NRG3: variants seen among roughly 807,000 people sequenced by gnomAD.
The protein encoded by NRG3 is pro-neuregulin-3, membrane-bound isoform.
In NRG3, 31 loss-of-function variants were observed where a neutral mutation model predicts 66.9. The ratio of observed to expected loss-of-function variants is 0.46; its 90% CI spans 0.35 to 0.63. The LOEUF (loss-of-function observed/expected upper bound fraction) is 0.63, where lower values mean the gene tolerates loss of function less well. Ranked by LOEUF, NRG3 falls within the 20% of genes least tolerant of loss-of-function variation. The pLI is 0.00. For missense variants in NRG3, 910 were observed against 878.9 expected (o/e 1.04, Z -0.45); for synonymous variants, 393 against 359.4 (o/e 1.09, Z -1.06).
At chr10:82,324,996 T>G (rs2081789034) in intron 1 of NRG3, among the ~76,000 whole-genome samples, 1 of 152,192 alleles carries the variant, frequency 6.6e-6, no homozygotes, top group Non-Finnish European at 1.5e-5. Flanking sequence ...TACCAAGAGA[T>G]AAGGGTTAAA....
chr10:82,018,294 A>G (rs1053621140), intron 1 of NRG3, among the ~76,000 whole-genome samples: 4 of 152,042 alleles, frequency 2.6e-5, no homozygotes, highest in African/African-American at 9.7e-5. Context: ...ATTGGTCTAC[A>G]TCTCTCTTTT....
intron 2 of NRG3, among the ~76,000 whole-genome samples, chr10:82,582,484 T>C (rs904696401): frequency 3.9e-5 from 6 of 152,120 alleles, no homozygotes; most frequent in African/African-American, 1.4e-4. Flanking sequence ...TCTTCTCAGT[T>C]AGATCATTCT....
At chr10:82,634,111 C>T (rs74864188) in intron 2 of NRG3, among the ~76,000 whole-genome samples, 46 of 152,242 alleles carry the variant, frequency 3.0e-4, no homozygotes, top group Middle Eastern at 3.4e-3. Flanking sequence ...ATCATCTGAA[C>T]ACTGGACTAG....
chr10:82,905,394 GC>G (rs1445497083), intron 4 of NRG3, among the ~76,000 whole-genome samples: 1 of 152,016 alleles, frequency 6.6e-6, no homozygotes, highest in Non-Finnish European at 1.5e-5. Flanking sequence ...ATTATTGAAA[GC>G]TTTTTCTTCA....
At chr10:82,778,900 A>G (rs887195914) in intron 3 of NRG3, among the ~76,000 whole-genome samples, 2 of 152,014 alleles carry the variant, frequency 1.3e-5, no homozygotes, top group African/African-American at 4.8e-5. Flanking sequence ...AGTGACTGGG[A>G]TGCGGGGGAG....
chr10:82,549,851 T>G (rs1443880463), intron 2 of NRG3, among the ~76,000 whole-genome samples: 3 of 120,272 alleles, frequency 2.5e-5, no homozygotes, highest in Non-Finnish European at 4.9e-5. Flanking sequence ...TCCAATTAGA[T>G]GAATTTCTCA....
chr10:82,523,535 C>T (rs570310998), intron 2 of NRG3, among the ~76,000 whole-genome samples: 4 of 151,666 alleles, frequency 2.6e-5, no homozygotes, highest in Admixed American at 6.6e-5. Context: ...GGGTGAATAT[C>T]GATTCATATC....
intron 1 of NRG3, among the ~76,000 whole-genome samples, chr10:81,952,053 A>C (rs1849407092): frequency 1.3e-5 from 2 of 148,508 alleles, no homozygotes; most frequent in African/African-American, 4.9e-5. Context: ...GTTCTCCCTC[A>C]CAGGTGGGAA....
intron 1 of NRG3, among the ~76,000 whole-genome samples, chr10:81,878,482 T>A (rs1841885033): frequency 6.6e-6 from 1 of 152,192 alleles, no homozygotes; most frequent in Non-Finnish European, 1.5e-5. Context: ...GTTTAGTTAT[T>A]TTTTTCATCC....
At chr10:82,807,056 T>TGTCCAATAACCAATGTCCTG (rs1409067596) in intron 3 of NRG3, among the ~76,000 whole-genome samples, 4 of 152,234 alleles carry the variant, frequency 2.6e-5, no homozygotes, top group Admixed American at 2.6e-4. Context: ...AATTGGTTAT[T>TGTCCAATAACCAATGTCCTG]GGACATAAAT....
intron 2 of NRG3, among the ~76,000 whole-genome samples, chr10:82,691,891 C>G (rs1387860274): frequency 1.3e-5 from 2 of 152,212 alleles, no homozygotes; most frequent in African/African-American, 4.8e-5. Flanking sequence ...TGCACACGGG[C>G]TCTTCCCTAG....
chr10:82,767,253 T>A (rs544091899), intron 3 of NRG3, among the ~76,000 whole-genome samples: 2 of 152,158 alleles, frequency 1.3e-5, no homozygotes, highest in East Asian at 3.9e-4. Context: ...ACCTTCTCAA[T>A]CTGCTGCCTG....
At chr10:82,563,527 A>G (rs2045195258) in intron 2 of NRG3, among the ~76,000 whole-genome samples, 1 of 151,866 alleles carries the variant, frequency 6.6e-6, no homozygotes, top group Non-Finnish European at 1.5e-5. Context: ...CTTAGTATTT[A>G]TGTATATTTT....
chr10:82,946,732 T>G (rs892660688), intron 4 of NRG3, among the ~76,000 whole-genome samples: 2 of 152,106 alleles, frequency 1.3e-5, no homozygotes, highest in African/African-American at 4.8e-5. Context: ...ACAGTAAAAA[T>G]AGAATATACA....
chr10:82,898,093 G>C (rs986180380), intron 4 of NRG3, among the ~76,000 whole-genome samples: 5 of 152,170 alleles, frequency 3.3e-5, no homozygotes, highest in Non-Finnish European at 7.3e-5. Context: ...CAGAGAGTCA[G>C]TGCCCCTAGA....
intron 2 of NRG3, among the ~76,000 whole-genome samples, chr10:82,683,891 G>A (rs1201001272): frequency 2.0e-5 from 3 of 151,900 alleles, no homozygotes; most frequent in Admixed American, 1.3e-4. Context: ...TAAACTATAC[G>A]CAGGCAAAAA....
At chr10:82,865,281 G>A in intron 3 of NRG3, 130 bp from the exon 4 acceptor site, 1 of 772,702 alleles carries the variant, frequency 1.3e-6, no homozygotes, top group Non-Finnish European at 2.1e-6. Context: ...AGCAAACATA[G>A]GGGTTAAAAT....
intron 1 of NRG3, among the ~76,000 whole-genome samples, chr10:82,049,412 G>A (rs946408613): frequency 6.6e-6 from 1 of 151,954 alleles, no homozygotes; most frequent in South Asian, 2.1e-4. Flanking sequence ...TTTCCAATGG[G>A]TGTTATTTTT....
At chr10:82,350,993 G>A (rs1386269013) in intron 1 of NRG3, among the ~76,000 whole-genome samples, 10 of 151,834 alleles carry the variant, frequency 6.6e-5, no homozygotes, top group Admixed American at 1.3e-4. Flanking sequence ...CTGGGTTCAC[G>A]CCATTCTCCT....
Sources: gnomAD v4.1 joint callset for allele counts (sites outside exome capture counted in the v4.1 genomes callset) on GRCh38, gnomAD v4.1.1 for gene constraint, MANE v1.5 for transcripts, NCBI Gene and HGNC (gene_info 2026-07-23, HGNC 2026-07-21) for gene names.